The following CENPI variants were observed in gnomAD, a reference collection of about 807,000 sequenced individuals.
CENPI encodes centromere protein I, also known as FSH primary response 1.
CENPI carries 4 observed loss-of-function variants against 60.4 expected under a neutral mutation model. The observed-to-expected ratio is 0.07, with a 90% CI of 0.03 to 0.15. The LOEUF (loss-of-function observed/expected upper bound fraction) is 0.15, where lower values mean the gene tolerates loss of function less well. Ranked by LOEUF, CENPI falls within the 10% of genes least tolerant of loss-of-function variation. The pLI is 1.00. For synonymous variants in CENPI, 157 were observed against 189.4 expected (o/e 0.83, Z 1.40); for missense variants, 444 against 534.5 (o/e 0.83, Z 1.67).
the CENPI span, among the ~76,000 whole-genome samples, chrX:101,173,141 G>T: frequency 1.0e-5 from 1 of 99,133 alleles, no homozygotes; most frequent in South Asian, 4.9e-4. Context: ...TCAGCCTCCC[G>T]AGTAGCTGAG....
In CENPI at chrX:101,155,347, G is replaced by A. The variant is rs189701068; in HGVS notation, c.2095-6181G>A. On this transcript the variant is annotated intron_variant, in intron 20 of 21. Coordinates refer to ENST00000682095, the MANE Select transcript of CENPI (RefSeq NM_001386188.2). The stretch of plus-strand genomic sequence containing the variant: ...TGGGATTATGGGTACCCGCCACCAC[G>A]CCCGGCTAATTTTTGTATTTTTAGT... Among the ~76,000 whole-genome samples, 519 of 110,455 alleles carry A rather than the reference G, an allele frequency of 4.7e-3. 2 individuals are homozygous for A. The highest frequency in any genetic ancestry group is 0.016 in the African/African-American group (496 of 30,364).
chrX:101,110,232 G>T (rs769648768), intron 6 of CENPI, among the ~76,000 whole-genome samples: 25 of 111,848 alleles, frequency 2.2e-4, no homozygotes, highest in Non-Finnish European at 4.3e-4. Context: ...AATTTTTATC[G>T]TATTTACTTT....
chrX:101,181,343 A>C, the CENPI span, among the ~76,000 whole-genome samples: 8 of 112,332 alleles, frequency 7.1e-5, no homozygotes, highest in East Asian at 2.2e-3. Flanking sequence ...TTCTGCAAAG[A>C]AAGGCAGTTG....
At chrX:101,175,062 G>A in the CENPI span, among the ~76,000 whole-genome samples, 1 of 111,969 alleles carries the variant, frequency 8.9e-6, no homozygotes, top group Non-Finnish European at 1.9e-5. Flanking sequence ...AACCAAGATC[G>A]TGCCATTGCA....
intron 18 of CENPI, among the ~76,000 whole-genome samples, 180 bp downstream of exon 18, chrX:101,146,457 C>A (rs772412899): frequency 1.8e-5 from 2 of 111,344 alleles, no homozygotes; most frequent in South Asian, 7.5e-4. Flanking sequence ...TTTTTTAAAT[C>A]CTCCACTGCT....
chrX:101,144,535 C>T (rs1198881010), intron 16 of CENPI, among the ~76,000 whole-genome samples: 1 of 109,197 alleles, frequency 9.2e-6, no homozygotes, highest in African/African-American at 3.3e-5. Context: ...AGGCATGTGC[C>T]ACCACCGCAC....
At chrX:101,132,691 C>A (rs1043583818) in intron 15 of CENPI, among the ~76,000 whole-genome samples, 2 of 111,456 alleles carry the variant, frequency 1.8e-5, no homozygotes, top group Non-Finnish European at 3.8e-5. Context: ...ACATAGTGAA[C>A]GAACAAGTGG....
At chrX:101,118,797 C>T (rs2089647955) in intron 6 of CENPI, among the ~76,000 whole-genome samples, 1 of 104,703 alleles carries the variant, frequency 9.6e-6, no homozygotes, top group Non-Finnish European at 2.0e-5. Flanking sequence ...TATCCTTAAG[C>T]ATATGACATA....
At chrX:101,171,016 C>G (rs1350184068), downstream of CENPI, among the ~76,000 whole-genome samples, 2 of 111,374 alleles carry the variant, frequency 1.8e-5, no homozygotes, top group Admixed American at 9.6e-5. Flanking sequence ...ACTGAGGGAC[C>G]CAGAACAATA....
intron 20 of CENPI, 59 bp downstream of exon 20, chrX:101,148,220 G>C: frequency 1.1e-6 from 1 of 933,753 alleles, no homozygotes; most frequent in Non-Finnish European, 1.5e-6. Context: ...GGCAGAAATA[G>C]GAAGTGCCAT....
intron 11 of CENPI, among the ~76,000 whole-genome samples, chrX:101,128,264 C>T (rs1472658473): frequency 1.8e-5 from 2 of 111,219 alleles, no homozygotes; most frequent in African/African-American, 6.5e-5. Context: ...ACCTGGGAGG[C>T]GGAGGTTGCA....
intron 16 of CENPI, 25 bp downstream of exon 16, chrX:101,140,785 A>G: frequency 9.8e-7 from 1 of 1,016,614 alleles, no homozygotes; most frequent in Non-Finnish European, 1.4e-6. Flanking sequence ...GGTCTTCCAC[A>G]AGAGACGATC....
At chrX:101,114,429 GAAA>G (rs1205125481) in intron 6 of CENPI, among the ~76,000 whole-genome samples, 1 of 110,984 alleles carries the variant, frequency 9.0e-6, no homozygotes. Context: ...ACCTCAAAAA[GAAA>G]AAAAGAAACC....
At position 101,102,276 on chromosome X, in the gene CENPI, C is replaced by T; in HGVS notation, c.229C>T (p.Pro77Ser). 1 of 1,157,507 alleles carries T rather than the reference C, an allele frequency of 8.6e-7. No individual in the cohort carries two copies. Among genetic ancestry groups the T allele is most frequent in the Non-Finnish European group, 1.2e-6 (1 of 864,202 alleles). Residue 77 changes from proline (P) to serine (S), a missense_variant and splice_region_variant, in exon 4 of 22, where the codon CCC (proline) becomes TCC (serine). By Grantham distance (74) the Pro-to-Ser change is moderately conservative. Transcript: ENST00000682095. ...QMAVGYFEKGPIKASQNKDKT... is the reference protein window; with the variant it reads ...QMAVGYFEKGSIKASQNKDKT... ...TTTAATATTGTTTCTTTTTTCAGGT[C>T]CCATTAAAGCTTCACAGAATAAAGA...
intron 21 of CENPI, among the ~76,000 whole-genome samples, chrX:101,162,543 TATAA>T (rs2090120810): frequency 9.4e-6 from 1 of 105,968 alleles, no homozygotes; most frequent in African/African-American, 3.5e-5. Flanking sequence ...TAGGCAGTAA[TATAA>T]TAATATCTGC....
chrX:101,120,713 T>C lies in CENPI; in HGVS notation c.641-25T>C, dbSNP rs758481657. The stretch of plus-strand genomic sequence containing the variant: ...TTTTATTCTGAATCCAAATGCATAG[T>C]ACGTCTTTCCTTTATGTTTTCTAGT... On this transcript the variant is annotated intron_variant, in intron 7 of 21. Coordinates refer to ENST00000682095, the MANE Select transcript of CENPI (RefSeq NM_001386188.2). 1.3e-5 allele frequency: 15 copies of C among 1,192,256 alleles called. No individual in the cohort carries two copies. The South Asian group carries it at 2.7e-4, about 21-fold the overall frequency.
intron 3 of CENPI, among the ~76,000 whole-genome samples, chrX:101,101,733 G>A (rs1226593471): frequency 8.9e-6 from 1 of 111,736 alleles, no homozygotes; most frequent in Non-Finnish European, 1.9e-5. Flanking sequence ...TATTGAAACA[G>A]GTTGTAGTCT....
intron 20 of CENPI, among the ~76,000 whole-genome samples, chrX:101,151,834 A>C (rs1485704844): frequency 1.0e-5 from 1 of 95,958 alleles, no homozygotes; most frequent in Non-Finnish European, 2.1e-5. Context: ...ACTCCATCTC[A>C]AAAAAAGAAA....
At chrX:101,118,227 A>T (rs5921726) in intron 6 of CENPI, among the ~76,000 whole-genome samples, 16,855 of 110,776 alleles carry the variant, frequency 0.15, 1,202 homozygotes, top group Middle Eastern at 0.22. Flanking sequence ...GTCTCAGAGG[A>T]GGTCTTTTTC....
Sources: allele counts gnomAD v4.1 joint callset (sites outside exome capture counted in the v4.1 genomes callset), GRCh38; gene constraint gnomAD v4.1.1; transcripts MANE v1.5; gene names NCBI Gene and HGNC (gene_info 2026-07-23, HGNC 2026-07-21).